The following ZCCHC7 variants were observed in gnomAD, a reference collection of about 807,000 sequenced individuals.
ZCCHC7 encodes zinc finger CCHC domain-containing protein 7.
A neutral mutation model predicts 52.0 loss-of-function variants in ZCCHC7; 35 were observed. The observed-to-expected ratio is 0.67, with a 90% CI of 0.51 to 0.89. The LOEUF (loss-of-function observed/expected upper bound fraction) is 0.89, where lower values mean the gene tolerates loss of function less well. Among genes scored for constraint, ZCCHC7 ranks in the 40% least tolerant of loss-of-function variants. The pLI is 0.00. For synonymous variants in ZCCHC7, 217 were observed against 221.5 expected (o/e 0.98, Z 0.18); for missense variants, 574 against 649.1 (o/e 0.88, Z 1.26).
intron 2 of ZCCHC7, among the ~76,000 whole-genome samples, chr9:37,173,737 A>G (rs914075122): frequency 6.6e-6 from 1 of 152,208 alleles, no homozygotes; most frequent in Non-Finnish European, 1.5e-5. Flanking sequence ...ATTAACAGCA[A>G]CTGGCCTGAA....
chr9:37,151,947 G>T (rs1820554572), intron 2 of ZCCHC7, among the ~76,000 whole-genome samples: 1 of 151,888 alleles, frequency 6.6e-6, no homozygotes, highest in Non-Finnish European at 1.5e-5. Flanking sequence ...CTTTATTTTG[G>T]CATTGTATTT....
rs1006754650 is a variant in ZCCHC7 at position 37,206,017 on chromosome 9, C to T, written c.610+79075C>T. On this transcript the variant is annotated intron_variant, in intron 2 of 8. Transcript: ENST00000336755. ...AAATGTTTCTCTTTATTCCTGACAA[C>T]GTCATTTGTTCTAAAATCTGCTTTT... Among the ~76,000 whole-genome samples the T allele has an allele frequency of 7.9e-5, 12 of 151,896 alleles. 1 individual carries two copies. The highest frequency in any genetic ancestry group is 6.2e-4 in the South Asian group (3 of 4,808).
intron 2 of ZCCHC7, among the ~76,000 whole-genome samples, chr9:37,168,409 C>T (rs1330425014): frequency 6.6e-6 from 1 of 152,070 alleles, no homozygotes; most frequent in Non-Finnish European, 1.5e-5. Flanking sequence ...TGCTTTAGAG[C>T]ACATTAGACT....
chr9:37,205,540 G>A (rs1465042042), intron 2 of ZCCHC7, among the ~76,000 whole-genome samples: 4 of 152,128 alleles, frequency 2.6e-5, no homozygotes, highest in East Asian at 1.9e-4. Context: ...TTTTTGAGAC[G>A]GAGTCTCGCT....
intron 2 of ZCCHC7, among the ~76,000 whole-genome samples, chr9:37,136,380 CTTATAGCTTCCA>C (rs1176878879): frequency 6.6e-6 from 1 of 152,116 alleles, no homozygotes; most frequent in Non-Finnish European, 1.5e-5. Flanking sequence ...CAAACATGAG[CTTATAGCTTCCA>C]CTTTTTTGTT....
intron 2 of ZCCHC7, among the ~76,000 whole-genome samples, chr9:37,200,904 G>C (rs1056944604): frequency 1.1e-4 from 16 of 152,162 alleles, no homozygotes; most frequent in African/African-American, 3.6e-4. Context: ...AAAATGTTCT[G>C]TAATGTTAAG....
chr9:37,199,345 T>TC (rs1823468362), intron 2 of ZCCHC7, among the ~76,000 whole-genome samples: 2 of 144,506 alleles, frequency 1.4e-5, no homozygotes, highest in South Asian at 2.1e-4. Context: ...TTTTTTTTTT[T>TC]CTTGAGACGG....
At chr9:37,230,790 T>A (rs1340035273) in intron 2 of ZCCHC7, among the ~76,000 whole-genome samples, 1 of 152,156 alleles carries the variant, frequency 6.6e-6, no homozygotes, top group African/African-American at 2.4e-5. Flanking sequence ...TTTCATTGAT[T>A]TGTTTTTGTT....
intron 2 of ZCCHC7, among the ~76,000 whole-genome samples, chr9:37,250,634 G>A (rs918708039): frequency 8.6e-5 from 13 of 151,988 alleles, no homozygotes; most frequent in African/African-American, 3.1e-4. Context: ...ACTTTTCTAG[G>A]CTTATTGGCC....
At chr9:37,213,590 A>G (rs1348945227) in intron 2 of ZCCHC7, among the ~76,000 whole-genome samples, 1 of 152,168 alleles carries the variant, frequency 6.6e-6, no homozygotes, top group East Asian at 1.9e-4. Flanking sequence ...CATACTTAGT[A>G]AATGCATAAA....
intron 2 of ZCCHC7, among the ~76,000 whole-genome samples, chr9:37,269,375 G>A (rs949667348): frequency 1.4e-4 from 22 of 152,078 alleles, no homozygotes; most frequent in Admixed American, 2.6e-4. Context: ...CCAGTTAAGA[G>A]GCTACTGGGA....
At chr9:37,298,403 G>A (rs905727793) in intron 2 of ZCCHC7, among the ~76,000 whole-genome samples, 5 of 152,160 alleles carry the variant, frequency 3.3e-5, no homozygotes, top group African/African-American at 1.2e-4. Context: ...CAGATGAATA[G>A]CTAAACAAAT....
intron 6 of ZCCHC7, among the ~76,000 whole-genome samples, chr9:37,342,696 G>A (rs1382395195): frequency 6.6e-6 from 1 of 152,224 alleles, no homozygotes; most frequent in Non-Finnish European, 1.5e-5. Flanking sequence ...AGGTTTTACT[G>A]ATAGGTTGTT....
intron 6 of ZCCHC7, among the ~76,000 whole-genome samples, chr9:37,333,354 C>G (rs1830522765): frequency 6.6e-6 from 1 of 151,604 alleles, no homozygotes; most frequent in African/African-American, 2.4e-5. Context: ...ATTAGATGTT[C>G]AATAATCAAA....
intron 2 of ZCCHC7, among the ~76,000 whole-genome samples, chr9:37,270,888 CT>C (rs1439930984): frequency 6.6e-6 from 1 of 151,310 alleles, no homozygotes; most frequent in African/African-American, 2.4e-5. Flanking sequence ...ATGACTCTTT[CT>C]GTATAACTCA....
chr9:37,171,480 G>A (rs561469058), intron 2 of ZCCHC7, among the ~76,000 whole-genome samples: 83 of 152,064 alleles, frequency 5.5e-4, no homozygotes, highest in Non-Finnish European at 9.0e-4. Context: ...GCAGTGGTGC[G>A]ATCATAAGCT....
chr9:37,339,756 A>G (rs553364307), intron 6 of ZCCHC7, among the ~76,000 whole-genome samples: 10 of 152,326 alleles, frequency 6.6e-5, no homozygotes, highest in African/African-American at 2.4e-4. Flanking sequence ...TGTAGTCTTT[A>G]AGCATATGTG....
intron 2 of ZCCHC7, among the ~76,000 whole-genome samples, chr9:37,248,796 C>A (rs7869485): frequency 0.53 from 81,218 of 151,992 alleles, 22,141 homozygotes; most frequent in African/African-American, 0.62. Context: ...CATTGCTCAT[C>A]TATCTGTAGC....
Position 37,295,771 on chromosome 9 carries a change from T to C in ZCCHC7, c.611-6417T>C, listed in dbSNP as rs1828757264. Among the ~76,000 whole-genome samples, 3 of 152,318 alleles carry C rather than the reference T, an allele frequency of 2.0e-5. No individual in the cohort carries two copies. The South Asian group carries it at 6.2e-4, about 32-fold the overall frequency. On this transcript the variant is annotated intron_variant, in intron 2 of 8. Coordinates refer to ENST00000336755, the MANE Select transcript of ZCCHC7 (RefSeq NM_032226.3). ...TTAGTGAATATGAGTTTGAAATACC[T>C]GTGAGACATCCAAGAAAAGACATGG... is the stretch of plus-strand genomic sequence containing the variant.
Sources: allele counts gnomAD v4.1 joint callset (sites outside exome capture counted in the v4.1 genomes callset), GRCh38; gene constraint gnomAD v4.1.1; transcripts MANE v1.5; gene names NCBI Gene and HGNC (gene_info 2026-07-23, HGNC 2026-07-21).